DPYSL5: variants seen among roughly 807,000 people sequenced by gnomAD.
DPYSL5 encodes dihydropyrimidinase-related protein 5.
DPYSL5 carries 9 observed loss-of-function variants against 58.4 expected under a neutral mutation model. The ratio of observed to expected loss-of-function variants is 0.15; its 90% CI spans 0.09 to 0.27. The LOEUF is 0.27. Among genes scored for constraint, DPYSL5 ranks in the 10% least tolerant of loss-of-function variants. DPYSL5 has a pLI of 1.00. For missense variants in DPYSL5, 499 were observed against 770.6 expected (o/e 0.65, Z 4.17); for synonymous variants, 293 against 301.9 (o/e 0.97, Z 0.31).
chr2:26,926,869 A>G (rs2148160017), intron 3 of DPYSL5, among the ~76,000 whole-genome samples: 1 of 152,304 alleles, frequency 6.6e-6, no homozygotes, highest in East Asian at 1.9e-4. Flanking sequence ...CTGGATTTTT[A>G]GCATTAGTAT....
At chr2:26,900,463 T>C (rs1367357471) in intron 2 of DPYSL5, among the ~76,000 whole-genome samples, 2 of 152,246 alleles carry the variant, frequency 1.3e-5, no homozygotes, top group Non-Finnish European at 2.9e-5. Flanking sequence ...ATATACCACA[T>C]AGCAATTATC....
intron 2 of DPYSL5, among the ~76,000 whole-genome samples, chr2:26,918,044 C>T (rs569418337): frequency 5.5e-5 from 8 of 145,054 alleles, no homozygotes; most frequent in African/African-American, 2.1e-4. Context: ...GGCTGGGGCA[C>T]GAGAATCTCT....
intron 2 of DPYSL5, among the ~76,000 whole-genome samples, chr2:26,912,920 G>T (rs904416517): frequency 1.3e-5 from 2 of 152,242 alleles, no homozygotes; most frequent in Middle Eastern, 3.4e-3. Flanking sequence ...CTTGGAGCTG[G>T]GGAGCCCCTC....
chr2:26,912,643 T>C (rs1393151470), intron 2 of DPYSL5, among the ~76,000 whole-genome samples: 1 of 152,170 alleles, frequency 6.6e-6, no homozygotes, highest in Non-Finnish European at 1.5e-5. Flanking sequence ...GCCTCTCCAG[T>C]CTCCATGGAA....
chr2:26,923,461 T>C (rs1023048256), intron 2 of DPYSL5, among the ~76,000 whole-genome samples: 6 of 152,178 alleles, frequency 3.9e-5, no homozygotes, highest in Non-Finnish European at 8.8e-5. Flanking sequence ...CACCCTATTG[T>C]GTAGGTAAAG....
intron 1 of DPYSL5, among the ~76,000 whole-genome samples, chr2:26,897,465 T>C (rs1262888443): frequency 6.6e-6 from 1 of 152,248 alleles, no homozygotes; most frequent in Non-Finnish European, 1.5e-5. Flanking sequence ...ATTACACTGA[T>C]TGTTTTTCAA....
At chr2:26,932,048 GGAAAGAAA>G (rs149642423) in intron 6 of DPYSL5, among the ~76,000 whole-genome samples, 26,299 of 47,556 alleles carry the variant, frequency 0.55, 7,339 homozygotes, top group Admixed American at 0.69. Context: ...AAGAAAGAAA[GGAAAGAAA>G]GAAAGAAAGA....
chr2:26,937,139 A>G (rs889908926), intron 8 of DPYSL5, among the ~76,000 whole-genome samples: 1 of 152,040 alleles, frequency 6.6e-6, no homozygotes, highest in African/African-American at 2.4e-5. Context: ...AAGTGCTTCA[A>G]CCCACCCAAA....
chr2:26,879,417 T>C (rs961287657), intron 1 of DPYSL5, among the ~76,000 whole-genome samples: 1 of 150,028 alleles, frequency 6.7e-6, no homozygotes, highest in Non-Finnish European at 1.5e-5. Flanking sequence ...GGCCAGGAGT[T>C]TGAGACCAGC....
chr2:26,857,274 C>T (rs934476852), intron 1 of DPYSL5, among the ~76,000 whole-genome samples: 5 of 152,128 alleles, frequency 3.3e-5, no homozygotes, highest in African/African-American at 1.2e-4. Context: ...TGGTGGCTCA[C>T]GCCTGTAATC....
intron 1 of DPYSL5, among the ~76,000 whole-genome samples, chr2:26,887,328 A>C (rs913142382): frequency 1.3e-5 from 2 of 152,154 alleles, no homozygotes; most frequent in African/African-American, 2.4e-5. Flanking sequence ...CCTGGCCCCA[A>C]GTTCCTGTGC....
intron 2 of DPYSL5, among the ~76,000 whole-genome samples, chr2:26,919,020 A>C (rs1392415197): frequency 6.6e-6 from 1 of 152,222 alleles, no homozygotes; most frequent in Non-Finnish European, 1.5e-5. Flanking sequence ...TTGGAGCGGC[A>C]GGGCAGTCCT....
chr2:26,861,607 TG>T (rs1666018627), intron 1 of DPYSL5, among the ~76,000 whole-genome samples: 1 of 152,204 alleles, frequency 6.6e-6, no homozygotes, highest in Non-Finnish European at 1.5e-5. Flanking sequence ...TCTCGGATGA[TG>T]GGTTAGGAAG....
chr2:26,945,875 C>T (rs3769136), intron 12 of DPYSL5, among the ~76,000 whole-genome samples: 88,967 of 152,098 alleles, frequency 0.58, 26,457 homozygotes, highest in East Asian at 0.7. Context: ...AATGGGTCAG[C>T]GCCTGCCTGC....
At position 26,940,102 on chromosome 2, in the gene DPYSL5, A is replaced by T; in HGVS notation, c.1019A>T (p.Asp340Val). Residue 340 changes from aspartate (D) to valine (V), a missense_variant, in exon 9 of 13, where the codon GAC becomes GTC. Transcript: ENST00000288699. ...AAGCAGAAAGCTATGGGCAAGGAAG[A>T]CTTCACCAAGATCCCACATGGAGTG... ...TTKQKAMGKE[D>V]FTKIPHGVSG... 6.2e-7 allele frequency: 1 copy of T among 1,614,190 alleles called. No individual in the cohort carries two copies. Among genetic ancestry groups the T allele is most frequent in the Non-Finnish European group, 8.5e-7 (1 of 1,180,030 alleles).
intron 1 of DPYSL5, among the ~76,000 whole-genome samples, chr2:26,875,440 T>C (rs1369116077): frequency 6.6e-6 from 1 of 152,158 alleles, no homozygotes; most frequent in Non-Finnish European, 1.5e-5. Context: ...GGGCAGGCCT[T>C]GACTCCCTGA....
Position 26,924,322 on chromosome 2 carries a change from T to C in DPYSL5, c.262-565T>C, listed in dbSNP as rs1157632555. Among the ~76,000 whole-genome samples, 2 of 152,204 alleles carry C rather than the reference T, an allele frequency of 1.3e-5. No homozygotes were observed. The highest frequency in any genetic ancestry group is 6.5e-5 in the Admixed American group (1 of 15,282). On this transcript the variant is annotated intron_variant, in intron 2 of 12. Coordinates refer to ENST00000288699, the MANE Select transcript of DPYSL5 (RefSeq NM_020134.4). The surrounding 1 kb of genome is among the most constrained non-coding windows in gnomAD (Gnocchi z 4.7). Reference sequence around the variant, plus strand: ...AAGACAAAGACCCTGAGGTTGAAGATGCGTGCAAAATGTTTGAACAAAATT... The same window carrying C: ...AAGACAAAGACCCTGAGGTTGAAGACGCGTGCAAAATGTTTGAACAAAATT...
chr2:26,877,091 C>T lies in DPYSL5; in HGVS notation c.-4-21405C>T, dbSNP rs1490488734. Among the ~76,000 whole-genome samples the T allele has an allele frequency of 6.6e-6, 1 of 151,564 alleles. No homozygotes were observed. Among genetic ancestry groups the T allele is most frequent in the Non-Finnish European group, 1.5e-5 (1 of 67,954 alleles). ...AAGCGATTCTCTTGCCTCAGCCTCC[C>T]GAGTAGCTGGGATTATAGGCGCCTG... On this transcript the variant is annotated intron_variant, in intron 1 of 12. Coordinates refer to ENST00000288699, the MANE Select transcript of DPYSL5 (RefSeq NM_020134.4). This position sits in a 1 kb window ranked among gnomAD's most constrained non-coding sequence, Gnocchi z 4.1.
At chr2:26,917,172 G>A (rs1309762980) in intron 2 of DPYSL5, among the ~76,000 whole-genome samples, 4 of 152,282 alleles carry the variant, frequency 2.6e-5, no homozygotes, top group East Asian at 1.9e-4. Context: ...GAATTTAAAC[G>A]TAGATCTGCC....
Sources: gnomAD v4.1 joint callset for allele counts (sites outside exome capture counted in the v4.1 genomes callset) on GRCh38, gnomAD v4.1.1 for gene constraint, Gnocchi (gnomAD v3.1) non-coding constraint, MANE v1.5 for transcripts, NCBI Gene and HGNC (gene_info 2026-07-23, HGNC 2026-07-21) for gene names.